RNF150: variants seen among roughly 807,000 people sequenced by gnomAD.
RNF150 encodes ring finger protein 150.
Under a neutral mutation model 39.3 loss-of-function variants are expected in RNF150, and 24 were observed. The ratio of observed to expected loss-of-function variants is 0.61; its 90% CI spans 0.44 to 0.86. The LOEUF (loss-of-function observed/expected upper bound fraction) is 0.86, where lower values mean the gene tolerates loss of function less well. RNF150 is among the 40% of genes least tolerant of loss of function. RNF150 has a pLI of 0.00. For missense variants in RNF150, 502 were observed against 587.8 expected (o/e 0.85, Z 1.51); for synonymous variants, 255 against 227.3 (o/e 1.12, Z -1.10).
intron 6 of RNF150, among the ~76,000 whole-genome samples, chr4:140,906,175 C>CAG (rs1369788921): frequency 6.6e-6 from 1 of 152,002 alleles, no homozygotes; most frequent in Admixed American, 6.6e-5. Context: ...AATTTTCATT[C>CAG]AGGGGCAAGG....
chr4:141,188,161 G>A (rs1356601169), intron 1 of RNF150, among the ~76,000 whole-genome samples: 2 of 152,182 alleles, frequency 1.3e-5, no homozygotes, highest in African/African-American at 2.4e-5. Flanking sequence ...CTTTAAGAAC[G>A]TTGAATATTG....
chr4:140,922,299 A>G (rs1302932423), intron 5 of RNF150, among the ~76,000 whole-genome samples: 5 of 151,090 alleles, frequency 3.3e-5, no homozygotes, highest in African/African-American at 1.2e-4. Flanking sequence ...ATGTGCAAAA[A>G]TCACAAGCAT....
intron 1 of RNF150, among the ~76,000 whole-genome samples, chr4:141,164,499 T>C (rs1727567804): frequency 6.6e-6 from 1 of 151,944 alleles, no homozygotes; most frequent in Non-Finnish European, 1.5e-5. Context: ...AGACACATAA[T>C]CAACCACTTC....
chr4:140,927,542 A>G (rs1309533550), intron 4 of RNF150, among the ~76,000 whole-genome samples: 2 of 152,200 alleles, frequency 1.3e-5, no homozygotes, highest in East Asian at 1.9e-4. Context: ...GCCTTCTGCC[A>G]TGATTGTAAG....
chr4:140,966,218 T>C (rs1733237277), intron 2 of RNF150, among the ~76,000 whole-genome samples: 1 of 152,018 alleles, frequency 6.6e-6, no homozygotes, highest in Admixed American at 6.6e-5. Context: ...TGTATGCCTG[T>C]AATCCTAGCT....
At chr4:141,039,025 T>C (rs1292475059) in intron 1 of RNF150, among the ~76,000 whole-genome samples, 1 of 152,060 alleles carries the variant, frequency 6.6e-6, no homozygotes, top group Non-Finnish European at 1.5e-5. Context: ...TAACCAAGCA[T>C]TCCCAAGAAA....
intron 1 of RNF150, among the ~76,000 whole-genome samples, chr4:141,143,310 T>G (rs906240847): frequency 2.0e-5 from 3 of 152,232 alleles, no homozygotes; most frequent in Non-Finnish European, 4.4e-5. Context: ...AACTTTATTC[T>G]CATGCCAATC....
intron 6 of RNF150, among the ~76,000 whole-genome samples, chr4:140,898,633 C>A (rs1323143489): frequency 6.6e-6 from 1 of 152,226 alleles, no homozygotes; most frequent in African/African-American, 2.4e-5. Flanking sequence ...TCCACATATG[C>A]ATGCATGTAT....
chr4:141,120,151 T>G (rs1187676598), intron 1 of RNF150, among the ~76,000 whole-genome samples: 1 of 152,176 alleles, frequency 6.6e-6, no homozygotes, highest in Non-Finnish European at 1.5e-5. Flanking sequence ...TATATTCCCA[T>G]GTGGGAGACA....
At chr4:141,021,571 T>G (rs1403330645) in intron 1 of RNF150, among the ~76,000 whole-genome samples, 1 of 152,120 alleles carries the variant, frequency 6.6e-6, no homozygotes, top group Non-Finnish European at 1.5e-5. Flanking sequence ...TGGCTAACAA[T>G]GAAGGTATAT....
intron 6 of RNF150, among the ~76,000 whole-genome samples, chr4:140,869,264 T>C (rs28719488): frequency 0.027 from 4,115 of 152,322 alleles, 126 homozygotes; most frequent in African/African-American, 0.078. Flanking sequence ...GTTCACAGTA[T>C]ACTGTTAAGT....
intron 1 of RNF150, among the ~76,000 whole-genome samples, chr4:140,974,572 G>A (rs902328138): frequency 1.3e-5 from 2 of 152,126 alleles, no homozygotes; most frequent in Admixed American, 1.3e-4. Context: ...TCTAAGAAAC[G>A]GACAAACTGT....
chr4:141,070,470 G>T (rs1450842938), intron 1 of RNF150, among the ~76,000 whole-genome samples: 1 of 146,436 alleles, frequency 6.8e-6, no homozygotes, highest in African/African-American at 2.5e-5. Flanking sequence ...GAAAATTTTC[G>T]CAACCTACTC....
chr4:141,115,903 A>G (rs1739535047), intron 1 of RNF150, among the ~76,000 whole-genome samples: 1 of 152,236 alleles, frequency 6.6e-6, no homozygotes, highest in African/African-American at 2.4e-5. Flanking sequence ...AGGATTCCCT[A>G]TTTAACAAAT....
intron 1 of RNF150, among the ~76,000 whole-genome samples, chr4:140,978,500 A>G (rs779024494): frequency 2.0e-5 from 3 of 152,170 alleles, no homozygotes; most frequent in South Asian, 2.1e-4. Flanking sequence ...TTCCTATTCT[A>G]CAAGTGTATA....
chr4:141,000,136 T>A (rs1734614100), intron 1 of RNF150, among the ~76,000 whole-genome samples: 2 of 143,988 alleles, frequency 1.4e-5, no homozygotes, highest in South Asian at 2.3e-4. Flanking sequence ...AAGAAAACAT[T>A]TCCATCATAT....
chr4:141,125,680 T>C lies in RNF150; in HGVS notation c.484+6645A>G, dbSNP rs149272424. ...GTTTTCTAAACAAATTAACTTCATA[T>C]CAGAGGCACAATCACTGTTTTCTGA... is the stretch of plus-strand genomic sequence containing the variant. On this transcript the variant is annotated intron_variant, in intron 1 of 6. Transcript: ENST00000515673. Among the ~76,000 whole-genome samples the C allele has an allele frequency of 1.6e-3, 248 of 152,316 alleles. 2 individuals carry two copies. Among genetic ancestry groups the C allele is most frequent in the African/African-American group, 5.6e-3 (231 of 41,584 alleles).
intron 4 of RNF150, among the ~76,000 whole-genome samples, chr4:140,946,762 T>C (rs1732330783): frequency 6.6e-6 from 1 of 152,198 alleles, no homozygotes; most frequent in South Asian, 2.1e-4. Context: ...TGTCTTGGAC[T>C]CCCAAAGCAT....
Position 140,918,655 on chromosome 4 carries a change from A to G in RNF150, c.988-7301T>C, listed in dbSNP as rs556229934. 4.6e-4 allele frequency among the ~76,000 whole-genome samples: 70 copies of G among 152,040 alleles called. 1 individual carries two copies. Among genetic ancestry groups the G allele is most frequent in the African/African-American group, 1.7e-3 (69 of 41,470 alleles). ...TTCTGAAACTATTCCAATCAATACA[A>G]AAAGAGGAAATCCTCCCTAACTCAT... On this transcript the variant is annotated intron_variant, in intron 5 of 6. Coordinates refer to ENST00000515673, the MANE Select transcript of RNF150 (RefSeq NM_020724.2).
Sources: gnomAD v4.1 joint callset for allele counts (sites outside exome capture counted in the v4.1 genomes callset) on GRCh38, gnomAD v4.1.1 for gene constraint, MANE v1.5 for transcripts, NCBI Gene and HGNC (gene_info 2026-07-23, HGNC 2026-07-21) for gene names.